KIAA1671: variants seen among roughly 807,000 people sequenced by gnomAD.
The protein encoded by KIAA1671 is uncharacterized protein KIAA1671.
A neutral mutation model predicts 131.2 loss-of-function variants in KIAA1671; 52 were observed. That is an observed-to-expected ratio of 0.40 (90% CI 0.32 to 0.50). The LOEUF is 0.50. Among genes scored for constraint, KIAA1671 ranks in the 20% least tolerant of loss-of-function variants. The probability of loss-of-function intolerance (pLI) is 0.73; values close to 1 mark genes in which losing one functional copy is unlikely to be tolerated. For synonymous variants in KIAA1671, 1,003 were observed against 961.6 expected, an observed-to-expected ratio of 1.04 and a Z score of -0.80; for missense variants, 2,360 against 2,364.2, an observed-to-expected ratio of 1.00 and a Z score of 0.04.
intron 6 of KIAA1671, chr22:25,055,844 A>G (rs1008476968): frequency 6.7e-6 from 1 of 149,290 alleles, no homozygotes; most frequent in African/African-American, 2.4e-5. Context: ...ATAGATACAG[A>G]TACAGATATA....
At chr22:25,109,836 G>A (rs1304447508) in intron 6 of KIAA1671, among the ~76,000 whole-genome samples, 3 of 152,178 alleles carry the variant, frequency 2.0e-5, no homozygotes, top group Admixed American at 6.5e-5. Flanking sequence ...GAATGAATGA[G>A]GCTGGATGTG....
intron 1 of KIAA1671, among the ~76,000 whole-genome samples, chr22:25,004,018 C>T (rs1200704943): frequency 6.6e-6 from 1 of 150,944 alleles, no homozygotes; most frequent in Non-Finnish European, 1.5e-5. Flanking sequence ...GGGGTTTCAC[C>T]ATGTTGGCCA....
intron 1 of KIAA1671, among the ~76,000 whole-genome samples, chr22:24,958,988 A>T (rs1921870235): frequency 6.6e-6 from 1 of 150,422 alleles, no homozygotes; most frequent in South Asian, 2.1e-4. Context: ...ATCAAAAAAA[A>T]AAAAAAAAAA....
At chr22:24,975,814 G>A (rs1922882582) in intron 1 of KIAA1671, among the ~76,000 whole-genome samples, 1 of 152,128 alleles carries the variant, frequency 6.6e-6, no homozygotes, top group Non-Finnish European at 1.5e-5. Flanking sequence ...GTGCAGAGCG[G>A]GGGATCCAAA....
chr22:25,007,500 A>G (rs564994331), intron 1 of KIAA1671, among the ~76,000 whole-genome samples: 111 of 151,906 alleles, frequency 7.3e-4, no homozygotes, highest in African/African-American at 2.6e-3. Context: ...GCAAGGGAAA[A>G]AAAAAAAAAA....
chr22:25,177,056 A>ATTTT (rs1934056717), intron 8 of KIAA1671: 1 of 366,466 alleles, frequency 2.7e-6, no homozygotes, highest in African/African-American at 2.0e-5. Context: ...ACTGGGAGGG[A>ATTTT]AAAGGCATTT....
intron 6 of KIAA1671, among the ~76,000 whole-genome samples, chr22:25,099,536 GGTTTTTTT>G (rs1468653493): frequency 0.026 from 1,682 of 65,384 alleles, 181 homozygotes; most frequent in Non-Finnish European, 0.031. Context: ...TCAAAATGTG[GGTTTTTTT>G]GTTTTTTTTT....
chr22:25,082,692 G>A (rs1929477357), intron 6 of KIAA1671, among the ~76,000 whole-genome samples: 1 of 152,060 alleles, frequency 6.6e-6, no homozygotes, highest in African/African-American at 2.4e-5. Flanking sequence ...AATTAGCTGG[G>A]CGTGGAGGTG....
intron 1 of KIAA1671, among the ~76,000 whole-genome samples, chr22:25,020,615 A>G (rs1483975689): frequency 3.3e-5 from 5 of 152,170 alleles, no homozygotes; most frequent in African/African-American, 1.2e-4. Flanking sequence ...TGCTGGGTGA[A>G]GGGGAAGCAG....
intron 6 of KIAA1671, among the ~76,000 whole-genome samples, chr22:25,150,418 G>A (rs1483183836): frequency 6.6e-6 from 1 of 152,186 alleles, no homozygotes; most frequent in Admixed American, 6.5e-5. Flanking sequence ...AGGGACGCAG[G>A]CTCTGTCGGC....
intron 1 of KIAA1671, among the ~76,000 whole-genome samples, chr22:24,982,555 G>A (rs1352061953): frequency 6.6e-6 from 1 of 152,226 alleles, no homozygotes; most frequent in African/African-American, 2.4e-5. Context: ...GCAGGGTTGT[G>A]GGTCTGCATG....
chr22:25,113,375 A>G (rs778699596), intron 6 of KIAA1671, among the ~76,000 whole-genome samples: 3 of 152,180 alleles, frequency 2.0e-5, no homozygotes, highest in Non-Finnish European at 4.4e-5. Flanking sequence ...CCATTTTCAC[A>G]TAGGAGACTT....
intron 5 of KIAA1671, chr22:25,048,967 G>T (rs1927389259): frequency 4.5e-6 from 2 of 440,828 alleles, no homozygotes; most frequent in Non-Finnish European, 8.2e-6. Context: ...TCATCATGGG[G>T]TTCCTTTCCC....
Position 25,088,539 on chromosome 22 carries a change from G to A in KIAA1671, c.4530+39175G>A, listed in dbSNP as rs138662650. 3.9e-3 allele frequency among the ~76,000 whole-genome samples: 590 copies of A among 152,330 alleles called. 2 individuals carry two copies. The highest frequency in any genetic ancestry group is 0.013 in the African/African-American group (549 of 41,562). The stretch of plus-strand genomic sequence containing the variant: ...GTGACAGACACATAAATGGATACAC[G>A]TGTGATGATGCAGTAACTGGACTGT... On this transcript the variant is annotated intron_variant, in intron 6 of 12. Coordinates refer to ENST00000358431, the MANE Select transcript of KIAA1671 (RefSeq NM_001145206.2).
At chr22:25,091,205 C>G (rs1418246240) in intron 6 of KIAA1671, among the ~76,000 whole-genome samples, 1 of 152,046 alleles carries the variant, frequency 6.6e-6, no homozygotes, top group African/African-American at 2.4e-5. Flanking sequence ...TTACAGGCGC[C>G]CACCACCATG....
chr22:25,179,486 G>GC (rs1934186541), intron 9 of KIAA1671: 2 of 1,612,532 alleles, frequency 1.2e-6, no homozygotes, highest in Non-Finnish European at 1.7e-6. Flanking sequence ...CTCCTCCAGC[G>GC]CCTTGTGCAG....
chr22:25,168,881 A>G (rs1438713835), intron 6 of KIAA1671, among the ~76,000 whole-genome samples: 1 of 152,078 alleles, frequency 6.6e-6, no homozygotes, highest in Admixed American at 6.6e-5. Context: ...GAGCAAGGGT[A>G]GGGGATGGGA....
chr22:25,097,695 G>A (rs1307381153), intron 6 of KIAA1671, among the ~76,000 whole-genome samples: 2 of 151,542 alleles, frequency 1.3e-5, no homozygotes, highest in African/African-American at 2.4e-5. Flanking sequence ...AGCCGAGATC[G>A]CGCCATTGCA....
At chr22:25,084,540 T>G (rs1372779455) in intron 6 of KIAA1671, among the ~76,000 whole-genome samples, 2 of 151,424 alleles carry the variant, frequency 1.3e-5, no homozygotes, top group Non-Finnish European at 2.9e-5. Context: ...TTCTGCAGGG[T>G]GTGCAGGGCA....
Sources: gnomAD v4.1 joint callset for allele counts (sites outside exome capture counted in the v4.1 genomes callset) on GRCh38, gnomAD v4.1.1 for gene constraint, MANE v1.5 for transcripts, NCBI Gene and HGNC (gene_info 2026-07-23, HGNC 2026-07-21) for gene names.